Variants in ZNF407 observed in about 807,000 individuals in gnomAD.
ZNF407 encodes zinc finger protein 407.
Under a neutral mutation model 131.2 loss-of-function variants are expected in ZNF407, and 17 were observed. The observed-to-expected ratio is 0.13, with a 90% CI of 0.09 to 0.19. ZNF407 has a LOEUF of 0.19. Among genes scored for constraint, ZNF407 ranks in the 10% least tolerant of loss-of-function variants. ZNF407 has a pLI of 1.00. For synonymous variants in ZNF407, 1,156 were observed against 1,062.0 expected, an observed-to-expected ratio of 1.09 and a Z score of -1.72; for missense variants, 2,681 against 2,830.6, an observed-to-expected ratio of 0.95 and a Z score of 1.20.
At chr18:74,999,787 T>C (rs1373586867) in intron 8 of ZNF407, among the ~76,000 whole-genome samples, 1 of 152,222 alleles carries the variant, frequency 6.6e-6, no homozygotes, top group Non-Finnish European at 1.5e-5. Context: ...GTAGCCAAGA[T>C]GACTGCATTT....
At chr18:74,743,379 G>A (rs1260220855) in intron 3 of ZNF407, among the ~76,000 whole-genome samples, 1 of 152,008 alleles carries the variant, frequency 6.6e-6, no homozygotes, top group Non-Finnish European at 1.5e-5. Flanking sequence ...GTGTGTGTGT[G>A]TATTTTCATG....
intron 8 of ZNF407, among the ~76,000 whole-genome samples, chr18:74,992,269 A>G (rs1358682845): frequency 2.0e-5 from 3 of 152,230 alleles, no homozygotes; most frequent in Non-Finnish European, 2.9e-5. Context: ...ATAAAGTACT[A>G]TAAAGAAAAG....
intron 8 of ZNF407, among the ~76,000 whole-genome samples, chr18:75,035,371 C>CCATCATT (rs1973296101): frequency 1.3e-5 from 2 of 152,136 alleles, no homozygotes; most frequent in South Asian, 4.1e-4. Context: ...GGGCCTTCTC[C>CCATCATT]CATCATTCCA....
intron 8 of ZNF407, among the ~76,000 whole-genome samples, chr18:74,945,340 G>T (rs181863808): frequency 1.1e-3 from 164 of 152,208 alleles, no homozygotes; most frequent in Non-Finnish European, 1.7e-3. Context: ...ATTTTAGGTT[G>T]CTTTTTGTCG....
intron 8 of ZNF407, among the ~76,000 whole-genome samples, chr18:74,957,851 C>T (rs370046771): frequency 1.2e-4 from 18 of 152,262 alleles, no homozygotes; most frequent in East Asian, 5.8e-4. Flanking sequence ...ACTCAACAAG[C>T]GGCAGCCCTC....
chr18:74,823,532 G>C (rs1053786671), intron 4 of ZNF407, among the ~76,000 whole-genome samples: 8 of 151,718 alleles, frequency 5.3e-5, no homozygotes, highest in African/African-American at 1.5e-4. Context: ...CCAAGCAAAT[G>C]GAAAGCAAAA....
rs779077842 is a variant in ZNF407, at chr18:75,018,108, AAT to A, written c.5429-45040_5429-45039del. ...ATAGAATTATGTGAACAACGGAATTAATAGATTAATAGTTAATTTTGAAAAAT... is the reference window on the plus strand; with the variant it reads ...ATAGAATTATGTGAACAACGGAATTAAGATTAATAGTTAATTTTGAAAAAT... On this transcript the variant is annotated intron_variant, in intron 8 of 8. Coordinates refer to ENST00000299687, the MANE Select transcript of ZNF407 (RefSeq NM_017757.3). Among the ~76,000 whole-genome samples, 8 of 152,342 alleles carry A rather than the reference AAT, an allele frequency of 5.3e-5. No individual in the cohort carries two copies. In the South Asian group the frequency reaches 1.0e-3, roughly 20 times the overall value.
At chr18:74,810,072 T>G (rs1330051539) in intron 4 of ZNF407, among the ~76,000 whole-genome samples, 1 of 152,184 alleles carries the variant, frequency 6.6e-6, no homozygotes, top group African/African-American at 2.4e-5. Context: ...GACATTCAAG[T>G]GGCGATGCTG....
intron 4 of ZNF407, among the ~76,000 whole-genome samples, chr18:74,803,384 T>C (rs1202776093): frequency 1.3e-5 from 2 of 152,188 alleles, no homozygotes; most frequent in Non-Finnish European, 2.9e-5. Flanking sequence ...CTGTCATCGA[T>C]AGGGAGACCC....
intron 3 of ZNF407, among the ~76,000 whole-genome samples, chr18:74,771,268 T>C (rs1969354188): frequency 6.6e-6 from 1 of 152,196 alleles, no homozygotes; most frequent in Non-Finnish European, 1.5e-5. Flanking sequence ...ATGTAACACC[T>C]GTTAACTTAT....
rs1349937037 is a variant in ZNF407 at position 74,634,925 on chromosome 18, T to C, written c.3906T>C (p.Val1302=). 6.2e-7 allele frequency: 1 copy of C among 1,613,956 alleles called. No individual in the cohort carries two copies. The highest frequency in any genetic ancestry group is 1.7e-5 in the Admixed American group (1 of 60,032). ...TGAAAGGTGTCCAAGAAGATCCCGT[T>C]CTGGGGAATAAGGAAATTCTGATGA... ...EDLKGVQEDP[V]LGNKEILMNS... Residue 1302 remains valine, a synonymous_variant, in exon 2 of 9, where the codon GTT becomes GTC. Transcript: ENST00000299687.
At chr18:74,731,567 A>C (rs1009098001) in intron 3 of ZNF407, among the ~76,000 whole-genome samples, 1 of 152,254 alleles carries the variant, frequency 6.6e-6, no homozygotes, top group Non-Finnish European at 1.5e-5. Context: ...ATTAGGAGTA[A>C]TGAAGTCAGA....
chr18:74,669,477 G>A (rs1024300246), intron 3 of ZNF407, among the ~76,000 whole-genome samples: 4 of 152,070 alleles, frequency 2.6e-5, no homozygotes, highest in Admixed American at 1.3e-4. Context: ...TCCCAATCAC[G>A]GTGTTTGCCT....
intron 1 of ZNF407, among the ~76,000 whole-genome samples, chr18:74,617,133 C>G (rs1983344557): frequency 1.3e-5 from 2 of 151,362 alleles, no homozygotes; most frequent in South Asian, 2.1e-4. Flanking sequence ...CATCCATATC[C>G]ACACACCACA....
At chr18:74,916,600 G>A (rs1971770332) in intron 7 of ZNF407, among the ~76,000 whole-genome samples, 1 of 116,824 alleles carries the variant, frequency 8.6e-6, no homozygotes, top group African/African-American at 3.6e-5. Context: ...GGTATGGTGA[G>A]GTTGTATGCA....
At chr18:74,995,201 G>A (rs1407689285) in intron 8 of ZNF407, among the ~76,000 whole-genome samples, 2 of 152,102 alleles carry the variant, frequency 1.3e-5, no homozygotes, top group African/African-American at 2.4e-5. Context: ...TGACTGCAGG[G>A]GCAAGTGTGA....
intron 7 of ZNF407, among the ~76,000 whole-genome samples, chr18:74,919,433 G>C (rs1971816928): frequency 6.6e-6 from 1 of 152,208 alleles, no homozygotes; most frequent in African/African-American, 2.4e-5. Context: ...TGTGTTGGCT[G>C]ACTACCGTTT....
chr18:74,779,109 A>ATATATATATATTTT (rs397943457), intron 3 of ZNF407, among the ~76,000 whole-genome samples: 1 of 24,376 alleles, frequency 4.1e-5, no homozygotes. Context: ...ATATATATAT[A>ATATATATATATTTT]TTTTTTTTTT....
intron 8 of ZNF407, among the ~76,000 whole-genome samples, chr18:75,054,903 A>T (rs892569354): frequency 1.3e-5 from 2 of 152,240 alleles, no homozygotes; most frequent in African/African-American, 2.4e-5. Context: ...CCCCATACAA[A>T]GCCTGAAGGG....
Sources: allele counts gnomAD v4.1 joint callset (sites outside exome capture counted in the v4.1 genomes callset), GRCh38; gene constraint gnomAD v4.1.1; transcripts MANE v1.5; gene names NCBI Gene and HGNC (gene_info 2026-07-23, HGNC 2026-07-21).